Variants in TIGD4 observed in about 807,000 individuals in gnomAD.
TIGD4 encodes the protein tigger transposable element-derived protein 4.
Under a neutral mutation model 24.9 loss-of-function variants are expected in TIGD4, and 20 were observed. The observed-to-expected ratio is 0.80, with a 90% confidence interval of 0.56 to 1.17. The LOEUF (loss-of-function observed/expected upper bound fraction) is 1.17. TIGD4 is among the 50% of genes most tolerant of loss of function. TIGD4 has a pLI of 0.00. For missense variants in TIGD4, 566 were observed against 591.0 expected (o/e 0.96, Z 0.44); for synonymous variants, 193 against 211.0 (o/e 0.91, Z 0.74).
In TIGD4 at chr4:152,769,887, T is replaced by C; in HGVS notation, c.1118A>G (p.Lys373Arg). 2 of 1,613,626 alleles carry C rather than the reference T, an allele frequency of 1.2e-6. No individual in the cohort carries two copies. Among genetic ancestry groups the C allele is most frequent in the African/African-American group, 2.7e-5 (2 of 75,038 alleles). The stretch of plus-strand genomic sequence containing the variant: ...TTTGAATCCTGCCTCTTCATAGCTT[T>C]TAACAATAGTCTCTGGGGTTACAGC... ...WRAVTPETIV[K>R]SYEEAGFKSQ... Residue 373 changes from lysine (K) to arginine (R), a missense_variant, in exon 2 of 2, where the codon AAA becomes AGA. Lys to Arg is a conservative substitution (Grantham distance 26). Transcript: ENST00000304337.
In TIGD4 at chr4:152,770,963, T is replaced by A. The variant is rs750308611; in HGVS notation, c.42A>T (p.Thr14=). 1 of 1,611,894 alleles carries A rather than the reference T, an allele frequency of 6.2e-7. No homozygotes were observed. ...TGGATAGGCTTTTCTTTTTCTTCAC[T>A]GTTACAGGCAGAGTTGAGGCATCCA... The part of the protein sequence containing the change: ...ASVDASTLPV[T]VKKKKSLSIE... Residue 14 remains threonine, a synonymous_variant, in exon 2 of 2, where the codon ACA becomes ACT. Coordinates refer to ENST00000304337, the MANE Select transcript of TIGD4 (RefSeq NM_145720.4).
At chr4:152,778,923 T>C (rs1289083728) in intron 1 of TIGD4, among the ~76,000 whole-genome samples, 1 of 152,092 alleles carries the variant, frequency 6.6e-6, no homozygotes, top group Non-Finnish European at 1.5e-5. Flanking sequence ...ACAAGTGAAA[T>C]GGGAGTAAAA....
At chr4:152,778,482 A>G (rs192833895) in intron 1 of TIGD4, among the ~76,000 whole-genome samples, 1 of 152,334 alleles carries the variant, frequency 6.6e-6, no homozygotes, top group East Asian at 1.9e-4. Flanking sequence ...CCAAACCAAC[A>G]AGATGGCTTT....
In TIGD4 at chr4:152,769,671, T is replaced by A; in HGVS notation, c.1334A>T (p.Lys445Ile). The A allele has an allele frequency of 1.2e-6, 2 of 1,613,336 alleles. No homozygotes were observed. The highest frequency in any genetic ancestry group is 1.7e-5 in the Admixed American group (1 of 59,908). ...AGTGTAAAATCCAGTTTCATCCGAT[T>A]TACTTTCTTTGGTGCATATGGAATC... is the stretch of plus-strand genomic sequence containing the variant. Reference protein sequence around the residue: ...NGDSICTKESKSDETGFYTSD... With the variant: ...NGDSICTKESISDETGFYTSD... The change falls in exon 2 of 2, where the codon AAA (lysine) becomes ATA (isoleucine). Residue 445 changes from lysine to isoleucine, a missense_variant. Transcript: ENST00000304337.
At chr4:152,777,395 C>T (rs1441721313) in intron 1 of TIGD4, among the ~76,000 whole-genome samples, 2 of 152,100 alleles carry the variant, frequency 1.3e-5, no homozygotes, top group Non-Finnish European at 2.9e-5. Flanking sequence ...GCAGCTATTC[C>T]CTTTTTTCTT....
chr4:152,770,297 C>CT lies in TIGD4; in HGVS notation c.707dup (p.Arg237GlufsTer17), dbSNP rs1561084420. 2 of 1,613,946 alleles carry CT rather than the reference C, an allele frequency of 1.2e-6. No individual in the cohort carries two copies. The highest frequency in any genetic ancestry group is 1.7e-5 in the Admixed American group (1 of 59,986). ...AACCTTTGAAACAATGTGGAGTTCT[C>CT]TTTTTTCCAATGACAAGCAAAGGAA... On this transcript the variant is annotated frameshift_variant, in exon 2 of 2. Coordinates refer to ENST00000304337, the MANE Select transcript of TIGD4 (RefSeq NM_145720.4). LOFTEE classifies it high-confidence loss of function.
At position 152,770,249 on chromosome 4, in the gene TIGD4, A is replaced by C. The variant is rs138357980; in HGVS notation, c.756T>G (p.Tyr252Ter). 1.2e-6 allele frequency: 2 copies of C among 1,614,092 alleles called. No individual in the cohort carries two copies. The highest frequency in any genetic ancestry group is 8.5e-7 in the Non-Finnish European group (1 of 1,179,958). Residue 252 changes from tyrosine (Y) to a stop codon, truncating the protein, a stop_gained, in exon 2 of 2, where the codon TAT (tyrosine) becomes TAG (stop). Coordinates refer to ENST00000304337, the MANE Select transcript of TIGD4 (RefSeq NM_145720.4). LOFTEE classifies it high-confidence loss of function. ...FKGLKSLPVC[Y>*]EANRMAWMTS... ...TCATCCATGCCATTCTGTTAGCTTC[A>C]TAACACACAGGCAATGATTTTAAAC...
At chr4:152,773,072 C>T (rs1159958026) in intron 1 of TIGD4, among the ~76,000 whole-genome samples, 1 of 152,182 alleles carries the variant, frequency 6.6e-6, no homozygotes, top group Non-Finnish European at 1.5e-5. Flanking sequence ...CCCAGATAGG[C>T]TCACCTCTAC....
rs1730158933 is a variant in TIGD4 at position 152,770,865 on chromosome 4, C to G, written c.140G>C (p.Gly47Ala). The change falls in exon 2 of 2, where the codon GGA (glycine) becomes GCA (alanine). Residue 47 changes from glycine (G) to alanine (A), a missense_variant. By Grantham distance (60) the Gly-to-Ala change is moderately conservative. Coordinates refer to ENST00000304337, the MANE Select transcript of TIGD4 (RefSeq NM_145720.4). ...KKKAEIAAEY[G>A]IKKNSLSSIM... is the part of the protein sequence containing the mutation. ...AGAAGACAATGAATTTTTCTTTATT[C>G]CATATTCAGCAGCAATCTCTGCTTT... 1 of 1,613,770 alleles carries G rather than the reference C, an allele frequency of 6.2e-7. No homozygotes were observed. The highest frequency in any genetic ancestry group is 8.5e-7 in the Non-Finnish European group (1 of 1,179,862).
Position 152,770,671 on chromosome 4 carries a change from G to A in TIGD4, c.334C>T (p.Leu112=). The A allele has an allele frequency of 6.2e-7, 1 of 1,608,914 alleles. No homozygotes were observed. Residue 112 remains leucine, a synonymous_variant, in exon 2 of 2, where the codon CTA becomes TTA. Coordinates refer to ENST00000304337, the MANE Select transcript of TIGD4 (RefSeq NM_145720.4). ...NVPVNGPMLR[L]KANDFAQKLG... is the part of the protein sequence containing the mutation. ...TTCTGGGCAAAATCATTAGCTTTTA[G>A]ACGTAACATCGGACCATTAACTGGT...
chr4:152,772,241 G>C (rs1193367802), intron 1 of TIGD4, among the ~76,000 whole-genome samples: 2 of 151,792 alleles, frequency 1.3e-5, no homozygotes, highest in Non-Finnish European at 2.9e-5. Flanking sequence ...AAAAGGCATA[G>C]AAACAAACAA....
rs535802716 is a variant in TIGD4 at position 152,769,931 on chromosome 4, T to C, written c.1074A>G (p.Thr358=). 6.2e-7 allele frequency: 1 copy of C among 1,613,656 alleles called. No homozygotes were observed. Residue 358 remains threonine (T), a synonymous_variant, in exon 2 of 2, where the codon ACA becomes ACG. Coordinates refer to ENST00000304337, the MANE Select transcript of TIGD4 (RefSeq NM_145720.4). ...FTFSLLDAVD[T]LHLCWRAVTP... ...TTACAGCCCTCCAGCAAAGATGCAA[T>C]GTATCAACTGCATCTAGTAGTGAAA... is the stretch of plus-strand genomic sequence containing the variant.
At chr4:152,773,844 T>C (rs1730219851) in intron 1 of TIGD4, among the ~76,000 whole-genome samples, 2 of 152,142 alleles carry the variant, frequency 1.3e-5, no homozygotes, top group Non-Finnish European at 2.9e-5. Context: ...TTCCTATAAA[T>C]ATGCAATTAT....
intron 1 of TIGD4, among the ~76,000 whole-genome samples, chr4:152,773,023 A>C (rs1351871779): frequency 1.3e-5 from 2 of 152,190 alleles, no homozygotes; most frequent in Admixed American, 6.5e-5. Context: ...CCCGGCCTAA[A>C]GTAGGGCTTT....
intron 1 of TIGD4, among the ~76,000 whole-genome samples, chr4:152,773,640 C>T (rs1404721773): frequency 9.7e-6 from 1 of 103,086 alleles, no homozygotes; most frequent in African/African-American, 4.2e-5. Flanking sequence ...TTTCCAATGC[C>T]TTAAAAAAAA....
Position 152,769,475 on chromosome 4 carries a change from T to A in TIGD4, c.1530A>T (p.Ser510=). 1 of 1,529,192 alleles carries A rather than the reference T, an allele frequency of 6.5e-7. No individual in the cohort carries two copies. The highest frequency in any genetic ancestry group is 8.8e-7 in the Non-Finnish European group (1 of 1,132,842). 94.7% of individuals were successfully genotyped at this position (1,529,192 alleles called of 1,614,324 possible). A position where few individuals can be genotyped will look rare whatever the true frequency, so the allele number is the denominator to read the frequency against. The change falls in exon 2 of 2, where the codon TCA becomes TCT. Residue 510 remains serine, a synonymous_variant. Transcript: ENST00000304337. ...ADLENFINSL[S]PK The stretch of plus-strand genomic sequence containing the variant: ...GATGTACAATACATAGTTACTTAGG[T>A]GATAAAGAGTTAATAAAATTTTCAA...
Position 152,769,510 on chromosome 4 carries a change from A to C in TIGD4, c.1495T>G (p.Leu499Val). 1 of 1,583,020 alleles carries C rather than the reference A, an allele frequency of 6.3e-7. No individual in the cohort carries two copies. The highest frequency in any genetic ancestry group is 1.7e-4 in the Middle Eastern group (1 of 5,888). ...TTAATAAAATTTTCAAGGTCTGCTA[A>C]AGAATTTTGAAGTCCGTCATTCATA... ...QDMNDGLQNSLADLENFINSL... is the reference protein window; with the variant it reads ...QDMNDGLQNSVADLENFINSL... Residue 499 changes from leucine to valine, a missense_variant, in exon 2 of 2, where the codon TTA (leucine) becomes GTA (valine). Leu to Val is a conservative substitution (Grantham distance 32). Coordinates refer to ENST00000304337, the MANE Select transcript of TIGD4 (RefSeq NM_145720.4).
chr4:152,777,600 G>A (rs558662696), intron 1 of TIGD4, among the ~76,000 whole-genome samples: 55 of 147,996 alleles, frequency 3.7e-4, no homozygotes, highest in African/African-American at 1.2e-3. Flanking sequence ...GAGGGAGGGA[G>A]GGAAGGAGGA....
Position 152,769,582 on chromosome 4 carries a change from C to T in TIGD4, c.1423G>A (p.Ala475Thr), listed in dbSNP as rs1257951730. ...TTCAGAGTATCTAAAGCAGTTATTG[C>T]CTCAGATTTTGATGGTAAAGGGAGT... ...TELPLPSKSE[A>T]ITALDTLKKF... The change falls in exon 2 of 2, where the codon GCA becomes ACA. Residue 475 changes from alanine to threonine, a missense_variant. Transcript: ENST00000304337. 1.2e-6 allele frequency: 2 copies of T among 1,613,308 alleles called. No homozygotes were observed. The highest frequency in any genetic ancestry group is 1.7e-6 in the Non-Finnish European group (2 of 1,179,694).
Sources: gnomAD v4.1 joint callset for allele counts (sites outside exome capture counted in the v4.1 genomes callset) on GRCh38, gnomAD v4.1.1 for gene constraint, MANE v1.5 for transcripts, NCBI Gene and HGNC (gene_info 2026-07-23, HGNC 2026-07-21) for gene names.